The following CTIF variants were observed in gnomAD, a reference collection of about 807,000 sequenced individuals.
CTIF encodes cap binding complex dependent translation initiation factor.
In CTIF, 21 loss-of-function variants were observed where a neutral mutation model predicts 66.0. The ratio of observed to expected loss-of-function variants is 0.32; its 90% CI spans 0.23 to 0.46. The LOEUF is 0.46. Ranked by LOEUF, CTIF falls within the 20% of genes least tolerant of loss-of-function variation. CTIF has a pLI of 1.00. For missense variants in CTIF, 739 were observed against 812.7 expected (o/e 0.91, Z 1.10); for synonymous variants, 345 against 326.4 (o/e 1.06, Z -0.62).
chr18:48,768,846 G>A (rs1004891314), intron 9 of CTIF, among the ~76,000 whole-genome samples: 1 of 152,192 alleles, frequency 6.6e-6, no homozygotes, highest in African/African-American at 2.4e-5. Context: ...CAAGGCTGCA[G>A]AGAGCTAGGT....
intron 3 of CTIF, among the ~76,000 whole-genome samples, chr18:48,659,392 G>T (rs895350759): frequency 6.6e-6 from 1 of 152,162 alleles, no homozygotes. Flanking sequence ...AGCGGCTGGG[G>T]TCCTCATTCT....
chr18:48,790,905 G>C (rs1198447423), intron 9 of CTIF, among the ~76,000 whole-genome samples: 2 of 152,146 alleles, frequency 1.3e-5, no homozygotes, highest in Admixed American at 1.3e-4. Flanking sequence ...TTCTCCTTCT[G>C]CTGGGCCATG....
chr18:48,665,634 C>A (rs2091424385), intron 5 of CTIF, among the ~76,000 whole-genome samples: 1 of 152,142 alleles, frequency 6.6e-6, no homozygotes, highest in Non-Finnish European at 1.5e-5. Context: ...CAATCATTCC[C>A]CATCCCATCA....
At chr18:48,744,646 T>C (rs553389518) in intron 7 of CTIF, among the ~76,000 whole-genome samples, 1 of 152,284 alleles carries the variant, frequency 6.6e-6, no homozygotes, top group Non-Finnish European at 1.5e-5. Flanking sequence ...AAACAAAGAC[T>C]TTTTTTCATA....
intron 2 of CTIF, among the ~76,000 whole-genome samples, chr18:48,624,932 G>A (rs1215566876): frequency 4.6e-5 from 7 of 152,092 alleles, no homozygotes; most frequent in Non-Finnish European, 8.8e-5. Flanking sequence ...GATGCTTTCC[G>A]GCACTTGGAA....
At chr18:48,783,824 G>A (rs964391352) in intron 9 of CTIF, among the ~76,000 whole-genome samples, 3 of 151,874 alleles carry the variant, frequency 2.0e-5, no homozygotes, top group Admixed American at 6.6e-5. Flanking sequence ...GCTGCCTGCC[G>A]ACCACCGCCC....
At chr18:48,623,937 A>AAGAT (rs527730438) in intron 2 of CTIF, among the ~76,000 whole-genome samples, 4 of 152,116 alleles carry the variant, frequency 2.6e-5, no homozygotes, top group Non-Finnish European at 4.4e-5. Flanking sequence ...ATAGATAGAT[A>AAGAT]AGATAGATAG....
intron 3 of CTIF, among the ~76,000 whole-genome samples, chr18:48,658,658 G>A (rs902586865): frequency 5.4e-4 from 82 of 152,264 alleles, no homozygotes; most frequent in African/African-American, 1.9e-3. Flanking sequence ...GTGGATGTGT[G>A]TGGATGTGTC....
intron 2 of CTIF, 101 bp from the exon 3 acceptor site, chr18:48,636,513 C>T: frequency 1.3e-6 from 1 of 785,234 alleles, no homozygotes. Context: ...ATTCCACAGT[C>T]ATGCTAATGG....
At chr18:48,808,064 G>T (rs1228724657) in intron 9 of CTIF, among the ~76,000 whole-genome samples, 2 of 152,098 alleles carry the variant, frequency 1.3e-5, no homozygotes, top group African/African-American at 4.8e-5. Context: ...GAACTCTTAA[G>T]ACTTATTTTA....
At chr18:48,637,692 G>T (rs187878872) in intron 3 of CTIF, among the ~76,000 whole-genome samples, 62 of 152,328 alleles carry the variant, frequency 4.1e-4, no homozygotes, top group Non-Finnish European at 7.3e-5. Context: ...AGGCTGTAGG[G>T]CGTGGCTGCC....
chr18:48,610,867 G>A (rs1038000508), intron 1 of CTIF, among the ~76,000 whole-genome samples: 1 of 152,220 alleles, frequency 6.6e-6, no homozygotes, highest in South Asian at 2.1e-4. Flanking sequence ...GCTCAGGAGG[G>A]TATGAGGACA....
Position 48,569,032 on chromosome 18 carries a change from T to C in CTIF, c.-29+29720T>C, listed in dbSNP as rs556468447. 1.2e-4 allele frequency among the ~76,000 whole-genome samples: 19 copies of C among 152,268 alleles called. No individual in the cohort carries two copies. In the South Asian group the frequency reaches 1.9e-3, roughly 15 times the overall value. ...TGATGGTCACCTTCTTGCAGTGCCC[T>C]CATGTGATTTTTCCTCTGGCTCTGT... On this transcript the variant is annotated intron_variant, in intron 1 of 11. Coordinates refer to ENST00000256413, the MANE Select transcript of CTIF (RefSeq NM_014772.3).
intron 6 of CTIF, among the ~76,000 whole-genome samples, chr18:48,699,139 C>T (rs1419741040): frequency 6.6e-6 from 1 of 152,150 alleles, no homozygotes; most frequent in Non-Finnish European, 1.5e-5. Flanking sequence ...CCCCGAGCCT[C>T]CTGGTGCCCG....
chr18:48,720,738 C>T (rs776053795), intron 7 of CTIF, among the ~76,000 whole-genome samples: 8 of 152,118 alleles, frequency 5.3e-5, no homozygotes, highest in Non-Finnish European at 8.8e-5. Flanking sequence ...CCTGATACAC[C>T]CAGAGAAAGC....
At chr18:48,835,179 G>C (rs1193902613) in intron 10 of CTIF, among the ~76,000 whole-genome samples, 1 of 152,206 alleles carries the variant, frequency 6.6e-6, no homozygotes, top group African/African-American at 2.4e-5. Flanking sequence ...AGAAGACCTG[G>C]AGATTAAATC....
chr18:48,622,085 G>T (rs957407409), intron 2 of CTIF, among the ~76,000 whole-genome samples: 1 of 152,216 alleles, frequency 6.6e-6, no homozygotes, highest in East Asian at 1.9e-4. Flanking sequence ...GTTTCTCCAG[G>T]GAATACAGTG....
At chr18:48,771,803 G>A (rs552181298) in intron 9 of CTIF, among the ~76,000 whole-genome samples, 14 of 152,330 alleles carry the variant, frequency 9.2e-5, no homozygotes, top group Non-Finnish European at 4.4e-5. Context: ...CCAGCTCTGT[G>A]AGCGGCCGGC....
At chr18:48,554,285 C>T (rs906057266) in intron 1 of CTIF, among the ~76,000 whole-genome samples, 3 of 152,236 alleles carry the variant, frequency 2.0e-5, no homozygotes, top group Non-Finnish European at 4.4e-5. Context: ...CCAGGCTTGC[C>T]AGTGAGAAGA....
Sources: gnomAD v4.1 joint callset for allele counts (sites outside exome capture counted in the v4.1 genomes callset) on GRCh38, gnomAD v4.1.1 for gene constraint, MANE v1.5 for transcripts, NCBI Gene and HGNC (gene_info 2026-07-23, HGNC 2026-07-21) for gene names.